The following CYP2C18 variants were observed in gnomAD, a reference collection of about 807,000 sequenced individuals.
The protein encoded by CYP2C18 is cytochrome P450 2C18.
A neutral mutation model predicts 41.3 loss-of-function variants in CYP2C18; 38 were observed. That is an observed-to-expected ratio of 0.92 (90% CI 0.71 to 1.21). CYP2C18 has a LOEUF of 1.21. CYP2C18 is among the 50% of genes most tolerant of loss of function. The probability of loss-of-function intolerance (pLI) is 0.00; values close to 1 mark genes in which losing one functional copy is unlikely to be tolerated. For missense variants in CYP2C18, 635 were observed against 591.4 expected, an observed-to-expected ratio of 1.07 and a Z score of -0.77; for synonymous variants, 236 against 210.0, an observed-to-expected ratio of 1.12 and a Z score of -1.07.
chr10:94,703,655 T>G (rs1409534223), intron 4 of CYP2C18, among the ~76,000 whole-genome samples: 1 of 152,176 alleles, frequency 6.6e-6, no homozygotes, highest in Admixed American at 6.5e-5. Flanking sequence ...AGCTAGTGGA[T>G]CTTAGCTTGC....
intron 5 of CYP2C18, among the ~76,000 whole-genome samples, chr10:94,710,689 TG>T (rs368229034): frequency 4.1e-4 from 62 of 152,262 alleles, no homozygotes; most frequent in Middle Eastern, 3.4e-3. Context: ...CTGGCTTTGG[TG>T]TAATTTTGAG....
chr10:94,733,553 A>G, intron 8 of CYP2C18, 115 bp downstream of exon 8: 1 of 1,538,186 alleles, frequency 6.5e-7, no homozygotes, highest in Non-Finnish European at 8.7e-7. Context: ...GCAGATCATT[A>G]GCACCATTCC....
At chr10:94,687,155 C>A (rs756953988) in intron 1 of CYP2C18, among the ~76,000 whole-genome samples, 2 of 152,136 alleles carry the variant, frequency 1.3e-5, no homozygotes, top group Non-Finnish European at 2.9e-5. Flanking sequence ...CTGTGAGATG[C>A]CACACATCCT....
At chr10:94,727,081 T>G (rs1474405944) in intron 7 of CYP2C18, among the ~76,000 whole-genome samples, 4 of 152,138 alleles carry the variant, frequency 2.6e-5, no homozygotes, top group African/African-American at 9.7e-5. Flanking sequence ...TACTTTAAAT[T>G]TAAATACAAA....
At chr10:94,713,848 C>T (rs933159499) in intron 5 of CYP2C18, among the ~76,000 whole-genome samples, 2 of 151,854 alleles carry the variant, frequency 1.3e-5, no homozygotes, top group Non-Finnish European at 2.9e-5. Context: ...GCACCTGTTT[C>T]CTGACTTTTT....
intron 4 of CYP2C18, among the ~76,000 whole-genome samples, chr10:94,705,302 G>A (rs1847321450): frequency 6.6e-6 from 1 of 152,168 alleles, no homozygotes; most frequent in Non-Finnish European, 1.5e-5. Flanking sequence ...ATAAGTGGGA[G>A]CTGAACAAGG....
chr10:94,724,420 C>T lies in CYP2C18; in HGVS notation c.1036C>T (p.Pro346Ser), dbSNP rs769659594. ...SPCMQDRSHMPYTDAVVHEIQ... is the reference protein window; with the variant it reads ...SPCMQDRSHMSYTDAVVHEIQ... ...CTGTATGCAGGACAGGAGTCACATG[C>T]CCTACACAGATGCTGTGGTGCACGA... The change falls in exon 7 of 9, where the codon CCC becomes TCC. Residue 346 changes from proline (P) to serine (S), a missense_variant. Coordinates refer to ENST00000285979, the MANE Select transcript of CYP2C18 (RefSeq NM_000772.3). 2.7e-5 allele frequency: 44 copies of T among 1,613,414 alleles called. No homozygotes were observed. The highest frequency in any genetic ancestry group is 1.7e-6 in the Non-Finnish European group (2 of 1,179,658).
intron 4 of CYP2C18, among the ~76,000 whole-genome samples, chr10:94,695,729 C>T (rs1271762501): frequency 6.6e-6 from 1 of 152,116 alleles, no homozygotes; most frequent in Non-Finnish European, 1.5e-5. Flanking sequence ...ATTCCCTTTC[C>T]TAGTCAAAGA....
At chr10:94,690,957 T>G (rs1483584436) in intron 3 of CYP2C18, among the ~76,000 whole-genome samples, 1 of 148,012 alleles carries the variant, frequency 6.8e-6, no homozygotes, top group Non-Finnish European at 1.5e-5. Context: ...AGAAAAGGCC[T>G]TTGACAAAAT....
intron 5 of CYP2C18, among the ~76,000 whole-genome samples, chr10:94,708,746 G>C (rs1385908651): frequency 6.6e-6 from 1 of 152,074 alleles, no homozygotes; most frequent in African/African-American, 2.4e-5. Flanking sequence ...CCCTGTATTG[G>C]GGTGGCTCTA....
At position 94,735,736 on chromosome 10, in the gene CYP2C18, GAAAAATGAT is replaced by G; in HGVS notation, c.*293_*301del. The G allele has an allele frequency of 6.1e-6, 2 of 326,634 alleles. No homozygotes were observed. Among genetic ancestry groups the G allele is most frequent in the Non-Finnish European group, 1.1e-5 (2 of 179,390 alleles). The allele number at this position is 326,634 out of a possible 1,614,324, so 20.2% of individuals were successfully genotyped here. On this transcript the variant is annotated 3_prime_UTR_variant, in exon 9 of 9. Transcript: ENST00000285979. ...CAGTATGTTATCACTAGAAAACAAA[GAAAAATGAT>G]TAATAAATGACAATTCAGAGCCATT...
Position 94,683,858 on chromosome 10 carries a change from T to C in CYP2C18, c.39T>C (p.Cys13=). 2 of 1,610,322 alleles carry C rather than the reference T, an allele frequency of 1.2e-6. No individual in the cohort carries two copies. The highest frequency in any genetic ancestry group is 2.2e-5 in the South Asian group (2 of 89,960). The change falls in exon 1 of 9, where the codon TGT becomes TGC. Residue 13 remains cysteine (C), a synonymous_variant. Transcript: ENST00000285979. ...TGGCTCTGGTGCTCTGTCTCTCCTG[T>C]TTGTTTCTCCTTTCACTCTGGAGGC... ...PAVALVLCLS[C]LFLLSLWRQS... is the part of the protein sequence containing the mutation.
intron 4 of CYP2C18, among the ~76,000 whole-genome samples, chr10:94,703,107 G>A (rs899932760): frequency 2.6e-5 from 4 of 152,196 alleles, no homozygotes; most frequent in Admixed American, 2.0e-4. Context: ...TCCTCTGGAA[G>A]CTTCATCCTG....
rs1847915220 is a variant in CYP2C18, at chr10:94,736,096, G to C, written c.*652G>C. 6.6e-6 allele frequency: 1 copy of C among 152,202 alleles called. No individual in the cohort carries two copies. The highest frequency in any genetic ancestry group is 1.9e-4 in the East Asian group (1 of 5,188). 9.4% of individuals were successfully genotyped at this position (152,202 alleles called of 1,614,324 possible). ...GTGTTTGAATTCATGCTCTGCTTTTGTGTTACTGTAAACACAAGATCAAGA... is the reference window on the plus strand; with the variant it reads ...GTGTTTGAATTCATGCTCTGCTTTTCTGTTACTGTAAACACAAGATCAAGA... On this transcript the variant is annotated 3_prime_UTR_variant, in exon 9 of 9. Coordinates refer to ENST00000285979, the MANE Select transcript of CYP2C18 (RefSeq NM_000772.3).
At chr10:94,709,873 A>G (rs1847406206) in intron 5 of CYP2C18, among the ~76,000 whole-genome samples, 1 of 152,182 alleles carries the variant, frequency 6.6e-6, no homozygotes, top group Admixed American at 6.6e-5. Context: ...CCATTGAGTG[A>G]TCGTGGTACA....
rs550844273 is a variant in CYP2C18 at position 94,703,130 on chromosome 10, C to T, written c.643-3654C>T. ...AAGCTTCATCCTGGTGGGGCACCAG[C>T]CAGATGCCACCCAGAGTTCTCCTGT... On this transcript the variant is annotated intron_variant, in intron 4 of 8. Transcript: ENST00000285979. 2.0e-5 allele frequency among the ~76,000 whole-genome samples: 3 copies of T among 152,266 alleles called. No individual in the cohort carries two copies. The East Asian group carries it at 5.8e-4, about 30-fold the overall frequency.
intron 2 of CYP2C18, 77 bp from the exon 3 acceptor site, chr10:94,688,048 C>A: frequency 6.2e-7 from 1 of 1,604,822 alleles, no homozygotes; most frequent in Non-Finnish European, 8.5e-7. Flanking sequence ...CTTGACCTGT[C>A]CACGTGGCTG....
Position 94,688,429 on chromosome 10 carries a change from A to G in CYP2C18, c.481+155A>G, listed in dbSNP as rs150562893. Among the ~76,000 whole-genome samples, 956 of 152,272 alleles carry G rather than the reference A, an allele frequency of 6.3e-3. 5 individuals are homozygous for G. Among genetic ancestry groups the G allele is most frequent in the Non-Finnish European group, 0.011 (767 of 68,016 alleles). On this transcript the variant is annotated intron_variant, in intron 3 of 8. Transcript: ENST00000285979. The stretch of plus-strand genomic sequence containing the variant: ...AATGATCAAGTTAGGTGTTTAGGAT[A>G]TGCATCACTTTGAGCATTTATCATT...
chr10:94,707,771 A>G (rs1320552206), intron 5 of CYP2C18, among the ~76,000 whole-genome samples: 1 of 152,218 alleles, frequency 6.6e-6, no homozygotes, highest in East Asian at 1.9e-4. Context: ...CCAAAAATCT[A>G]TGGATATTAG....
Sources: allele counts gnomAD v4.1 joint callset (sites outside exome capture counted in the v4.1 genomes callset), GRCh38; gene constraint gnomAD v4.1.1; transcripts MANE v1.5; gene names NCBI Gene and HGNC (gene_info 2026-07-23, HGNC 2026-07-21).